The following PNPT1 variants were observed in gnomAD, a reference collection of about 807,000 sequenced individuals.
PNPT1 encodes polyribonucleotide nucleotidyltransferase 1, mitochondrial.
PNPT1 carries 53 observed loss-of-function variants against 119.5 expected under a neutral mutation model. That is an observed-to-expected ratio of 0.44 (90% CI 0.36 to 0.56). The LOEUF is 0.56. Among genes scored for constraint, PNPT1 ranks in the 20% least tolerant of loss-of-function variants. The pLI is 0.00. For missense variants in PNPT1, 948 were observed against 938.5 expected, an observed-to-expected ratio of 1.01 and a Z score of -0.13; for synonymous variants, 357 against 322.1, an observed-to-expected ratio of 1.11 and a Z score of -1.16.
chr2:55,639,032 T>G (rs1217446135), intron 26 of PNPT1, among the ~76,000 whole-genome samples: 1 of 152,114 alleles, frequency 6.6e-6, no homozygotes, highest in Non-Finnish European at 1.5e-5. Flanking sequence ...CACCTTGGCC[T>G]CCCAAAGTGC....
Position 55,636,079 on chromosome 2 carries a change from A to T in PNPT1, c.*158T>A. 1 of 420,202 alleles carries T rather than the reference A, an allele frequency of 2.4e-6. No homozygotes were observed. Among genetic ancestry groups the T allele is most frequent in the Non-Finnish European group, 4.0e-6 (1 of 251,488 alleles). 26.0% of individuals were successfully genotyped at this position (420,202 alleles called of 1,614,324 possible). ...AAACAAATATGGGTTACTCGAATTA[A>T]AAAAATGGCACATGTAAATGAGCAT... is the stretch of plus-strand genomic sequence containing the variant. On this transcript the variant is annotated 3_prime_UTR_variant, in exon 28 of 28. Coordinates refer to ENST00000447944, the MANE Select transcript of PNPT1 (RefSeq NM_033109.5).
intron 11 of PNPT1, among the ~76,000 whole-genome samples, chr2:55,669,831 T>G (rs1696851364): frequency 6.7e-6 from 1 of 150,082 alleles, no homozygotes; most frequent in Non-Finnish European, 1.5e-5. Flanking sequence ...CGGTCTCAGC[T>G]CACTACAACC....
At chr2:55,645,824 GCTA>G in intron 21 of PNPT1, among the ~76,000 whole-genome samples, 1 of 124,298 alleles carries the variant, frequency 8.0e-6, no homozygotes, top group South Asian at 2.3e-4. Flanking sequence ...GCCATGCCTG[GCTA>G]CTTAGTACTT....
At chr2:55,682,963 A>G (rs773654979) in intron 5 of PNPT1, among the ~76,000 whole-genome samples, 8 of 152,324 alleles carry the variant, frequency 5.3e-5, no homozygotes, top group South Asian at 2.1e-4. Flanking sequence ...TATTCTTGCA[A>G]AGGCATATTT....
intron 23 of PNPT1, among the ~76,000 whole-genome samples, chr2:55,644,104 G>A (rs1695918048): frequency 6.6e-6 from 1 of 152,020 alleles, no homozygotes; most frequent in Non-Finnish European, 1.5e-5. Flanking sequence ...TTACTCTTAC[G>A]AGGGGTGAAT....
intron 23 of PNPT1, among the ~76,000 whole-genome samples, chr2:55,644,055 A>G (rs988326305): frequency 3.9e-5 from 6 of 152,200 alleles, no homozygotes. Flanking sequence ...AGTAGAAACT[A>G]TAATAGAACC....
At chr2:55,664,289 T>C (rs1023034975) in intron 13 of PNPT1, among the ~76,000 whole-genome samples, 2 of 152,184 alleles carry the variant, frequency 1.3e-5, no homozygotes, top group African/African-American at 4.8e-5. Context: ...GTTTCTTCAT[T>C]TTATGTTAAG....
At chr2:55,665,626 T>C (rs1696708799) in intron 13 of PNPT1, among the ~76,000 whole-genome samples, 1 of 152,120 alleles carries the variant, frequency 6.6e-6, no homozygotes, top group Non-Finnish European at 1.5e-5. Context: ...GCCACCACAC[T>C]GCACAACTCT....
At chr2:55,667,158 T>A (rs1696760757) in intron 12 of PNPT1, 65 bp from the exon 13 acceptor site, 2 of 1,263,534 alleles carry the variant, frequency 1.6e-6, no homozygotes, top group Admixed American at 1.8e-5. Context: ...CATGTCTTTA[T>A]CTCTCCCAGG....
chr2:55,646,170 G>T, intron 21 of PNPT1, 89 bp downstream of exon 21: 2 of 1,276,232 alleles, frequency 1.6e-6, no homozygotes, highest in Non-Finnish European at 2.2e-6. Flanking sequence ...ACTTTTTAAA[G>T]CAATATTTTA....
intron 25 of PNPT1, 145 bp from the exon 26 acceptor site, chr2:55,640,850 C>CT: frequency 1.7e-6 from 1 of 571,676 alleles, no homozygotes; most frequent in East Asian, 3.0e-5. Flanking sequence ...AAAAAGTATA[C>CT]TTTTCAACTG....
rs1697697508 is a variant in PNPT1 at position 55,693,740 on chromosome 2, C to T, written c.84G>A (p.Arg28=). The change falls in exon 1 of 28, where the codon CGG becomes CGA. Residue 28 remains arginine (R), a synonymous_variant. Coordinates refer to ENST00000447944, the MANE Select transcript of PNPT1 (RefSeq NM_033109.5). ...DGPFLLPRRD[R]ALTQLQVRAL... is the part of the protein sequence containing the mutation. ...CTCGCACTTGCAACTGGGTGAGTGC[C>T]CGATCCCGCCGTGGCAGAAGGAAAG... is the stretch of plus-strand genomic sequence containing the variant. 1.2e-6 allele frequency: 2 copies of T among 1,614,198 alleles called. No individual in the cohort carries two copies. The highest frequency in any genetic ancestry group is 2.2e-5 in the East Asian group (1 of 44,880).
chr2:55,650,194 T>C (rs904515891), intron 18 of PNPT1, among the ~76,000 whole-genome samples: 2 of 150,804 alleles, frequency 1.3e-5, no homozygotes, highest in African/African-American at 4.9e-5. Flanking sequence ...CCTCTCCCTC[T>C]CTCCATGGTT....
intron 5 of PNPT1, among the ~76,000 whole-genome samples, chr2:55,681,195 T>A (rs1697235850): frequency 6.6e-6 from 1 of 151,740 alleles, no homozygotes; most frequent in African/African-American, 2.4e-5. Flanking sequence ...TCACCTGAGG[T>A]CAAGAGTTTG....
intron 26 of PNPT1, 43 bp from the exon 27 acceptor site, chr2:55,637,642 A>C: frequency 6.8e-7 from 1 of 1,461,564 alleles, no homozygotes; most frequent in South Asian, 1.1e-5. Context: ...GTGCATAATT[A>C]TGTAGTGTCC....
chr2:55,677,216 T>G (rs974438639), intron 8 of PNPT1, among the ~76,000 whole-genome samples: 1 of 152,252 alleles, frequency 6.6e-6, no homozygotes, highest in African/African-American at 2.4e-5. Context: ...AGTCTCATTC[T>G]TCCCTCCTGT....
chr2:55,685,655 T>G (rs1003537549), intron 3 of PNPT1, among the ~76,000 whole-genome samples: 1 of 152,198 alleles, frequency 6.6e-6, no homozygotes, highest in Non-Finnish European at 1.5e-5. Context: ...TAAATATAAT[T>G]GTACACCCCT....
chr2:55,670,380 G>A (rs1244564440), intron 11 of PNPT1, among the ~76,000 whole-genome samples: 3 of 151,804 alleles, frequency 2.0e-5, no homozygotes, highest in Admixed American at 1.3e-4. Flanking sequence ...TAGAGACAGG[G>A]TTTCACCGTA....
intron 11 of PNPT1, among the ~76,000 whole-genome samples, chr2:55,669,146 A>T (rs1696828420): frequency 6.6e-6 from 1 of 152,072 alleles, no homozygotes; most frequent in Non-Finnish European, 1.5e-5. Flanking sequence ...TAAAGGGGTG[A>T]AGTACTGTGT....
Sources: gnomAD v4.1 joint callset for allele counts (sites outside exome capture counted in the v4.1 genomes callset) on GRCh38, gnomAD v4.1.1 for gene constraint, MANE v1.5 for transcripts, NCBI Gene and HGNC (gene_info 2026-07-23, HGNC 2026-07-21) for gene names.